The following ADGRL2 variants were observed in gnomAD, a reference collection of about 807,000 sequenced individuals.
ADGRL2 encodes adhesion G protein-coupled receptor L2.
In ADGRL2, 44 loss-of-function variants were observed where a neutral mutation model predicts 157.4. The observed-to-expected ratio is 0.28, with a 90% CI of 0.22 to 0.36. ADGRL2 has a LOEUF of 0.36. ADGRL2 is among the 10% of genes least tolerant of loss of function. The pLI is 1.00. For synonymous variants in ADGRL2, 585 were observed against 624.7 expected, an observed-to-expected ratio of 0.94 and a Z score of 0.95; for missense variants, 1,510 against 1,768.9, an observed-to-expected ratio of 0.85 and a Z score of 2.63.
At chr1:81,673,866 TA>T (rs2082929436) in intron 3 of ADGRL2, among the ~76,000 whole-genome samples, 1 of 152,194 alleles carries the variant, frequency 6.6e-6, no homozygotes, top group African/African-American at 2.4e-5. Context: ...CAGTATGTTC[TA>T]ATAATGGAGG....
intron 1 of ADGRL2, among the ~76,000 whole-genome samples, chr1:81,802,794 G>C (rs2088461686): frequency 1.3e-5 from 2 of 152,162 alleles, no homozygotes; most frequent in Non-Finnish European, 2.9e-5. Flanking sequence ...TGGACGGTGG[G>C]GGAGGGCTTG....
intron 1 of ADGRL2, among the ~76,000 whole-genome samples, chr1:81,356,535 G>A (rs1302644345): frequency 6.6e-6 from 1 of 152,014 alleles, no homozygotes; most frequent in Non-Finnish European, 1.5e-5. Context: ...CCTCTTCTTT[G>A]TGAAGGAATC....
chr1:81,678,874 T>A (rs1354864528), intron 3 of ADGRL2, among the ~76,000 whole-genome samples: 1 of 152,204 alleles, frequency 6.6e-6, no homozygotes, highest in East Asian at 1.9e-4. Context: ...GGTAATTAAC[T>A]GCAGTTAGTG....
At chr1:81,909,451 A>C (rs1286435249) in intron 3 of ADGRL2, among the ~76,000 whole-genome samples, 1 of 152,180 alleles carries the variant, frequency 6.6e-6, no homozygotes. Context: ...CTAAGTATAG[A>C]ATTCCTTGTA....
intron 2 of ADGRL2, among the ~76,000 whole-genome samples, chr1:81,531,444 T>C (rs897082335): frequency 6.6e-6 from 1 of 152,226 alleles, no homozygotes; most frequent in African/African-American, 2.4e-5. Context: ...TCTATGGTAA[T>C]CTAGAAACTA....
At chr1:81,309,636 T>C (rs1387747185) in intron 1 of ADGRL2, among the ~76,000 whole-genome samples, 1 of 152,166 alleles carries the variant, frequency 6.6e-6, no homozygotes, top group African/African-American at 2.4e-5. Context: ...TCAATCTGTA[T>C]TATCATTATC....
chr1:81,491,347 T>C (rs748921310), intron 2 of ADGRL2, among the ~76,000 whole-genome samples: 1 of 152,158 alleles, frequency 6.6e-6, no homozygotes, highest in African/African-American at 2.4e-5. Context: ...TGAGATTCTC[T>C]ATACATCCCA....
At chr1:81,671,774 A>G (rs1393200974) in intron 3 of ADGRL2, among the ~76,000 whole-genome samples, 1 of 152,158 alleles carries the variant, frequency 6.6e-6, no homozygotes, top group East Asian at 1.9e-4. Context: ...TGGCCTCCCA[A>G]AGTGCTGGGA....
chr1:81,511,758 A>G (rs1353790431), intron 2 of ADGRL2, among the ~76,000 whole-genome samples: 2 of 152,078 alleles, frequency 1.3e-5, no homozygotes, highest in Non-Finnish European at 2.9e-5. Flanking sequence ...GGACTTTGAC[A>G]CTATTTGGAC....
At chr1:81,432,981 T>C (rs998228634) in intron 1 of ADGRL2, among the ~76,000 whole-genome samples, 3 of 152,168 alleles carry the variant, frequency 2.0e-5, no homozygotes, top group Non-Finnish European at 4.4e-5. Context: ...ACCTTGGGCT[T>C]GCCTGGTACC....
chr1:81,447,220 T>G (rs1406189184), intron 2 of ADGRL2, among the ~76,000 whole-genome samples: 1 of 152,188 alleles, frequency 6.6e-6, no homozygotes, highest in East Asian at 1.9e-4. Context: ...TACGTGAATT[T>G]TTTTCTTTTT....
intron 1 of ADGRL2, among the ~76,000 whole-genome samples, chr1:81,751,169 G>A (rs1027543702): frequency 6.6e-6 from 1 of 152,094 alleles, no homozygotes; most frequent in African/African-American, 2.4e-5. Flanking sequence ...GAAAATCAAA[G>A]TGAATAATAA....
At chr1:81,322,113 C>CACAT (rs1553153271) in intron 1 of ADGRL2, among the ~76,000 whole-genome samples, 3 of 112,128 alleles carry the variant, frequency 2.7e-5, no homozygotes, top group Non-Finnish European at 3.7e-5. Flanking sequence ...TATATATACA[C>CACAT]ATATATATAT....
intron 1 of ADGRL2, among the ~76,000 whole-genome samples, chr1:81,397,178 G>T (rs1047369448): frequency 6.6e-6 from 1 of 151,726 alleles, no homozygotes; most frequent in Non-Finnish European, 1.5e-5. Flanking sequence ...ATTTATTTTT[G>T]GTTTAATCTT....
intron 3 of ADGRL2, among the ~76,000 whole-genome samples, chr1:81,666,403 C>A (rs547882664): frequency 2.6e-5 from 4 of 152,266 alleles, no homozygotes; most frequent in South Asian, 2.1e-4. Flanking sequence ...AATGATGGAA[C>A]CTTAATGTAA....
intron 11 of ADGRL2, among the ~76,000 whole-genome samples, chr1:81,963,921 A>G (rs1047937559): frequency 8.6e-5 from 13 of 151,156 alleles, no homozygotes; most frequent in African/African-American, 3.1e-4. Flanking sequence ...GAGTTTTTTA[A>G]TGGTCATAAA....
At chr1:81,719,356 A>C (rs758773206) in intron 1 of ADGRL2, among the ~76,000 whole-genome samples, 3 of 152,196 alleles carry the variant, frequency 2.0e-5, no homozygotes, top group Non-Finnish European at 4.4e-5. Context: ...AGCTTCCTAC[A>C]GACTCCTTAA....
intron 3 of ADGRL2, among the ~76,000 whole-genome samples, chr1:81,617,129 G>A (rs904416962): frequency 6.6e-6 from 1 of 152,248 alleles, no homozygotes; most frequent in Non-Finnish European, 1.5e-5. Flanking sequence ...TTAGGAACCT[G>A]GTTGCATGGC....
chr1:81,800,157 T>C (rs1003875920), upstream of ADGRL2, among the ~76,000 whole-genome samples: 1 of 152,196 alleles, frequency 6.6e-6, no homozygotes, highest in African/African-American at 2.4e-5. Context: ...AAGAGCCTTG[T>C]AGTCTCCTTT....
Sources: allele counts gnomAD v4.1 joint callset (sites outside exome capture counted in the v4.1 genomes callset), GRCh38; gene constraint gnomAD v4.1.1; transcripts MANE v1.5; gene names NCBI Gene and HGNC (gene_info 2026-07-23, HGNC 2026-07-21).